LRMDA: variants seen among roughly 807,000 people sequenced by gnomAD.
LRMDA encodes leucine-rich melanocyte differentiation-associated protein.
Under a neutral mutation model 29.8 loss-of-function variants are expected in LRMDA, and 18 were observed. The ratio of observed to expected loss-of-function variants is 0.60; its 90% CI spans 0.42 to 0.90. The LOEUF (loss-of-function observed/expected upper bound fraction) is 0.90. LRMDA is among the 40% of genes least tolerant of loss of function. LRMDA has a pLI of 0.00. For synonymous variants in LRMDA, 125 were observed against 109.4 expected (o/e 1.14, Z -0.89); for missense variants, 273 against 273.9 (o/e 1.00, Z 0.02).
chr10:76,352,045 C>T (rs1841183268), intron 6 of LRMDA, among the ~76,000 whole-genome samples: 1 of 152,084 alleles, frequency 6.6e-6, no homozygotes, highest in Non-Finnish European at 1.5e-5. Flanking sequence ...ATCTCCCTCT[C>T]CATAAAATAG....
At chr10:75,830,130 C>T (rs946510120) in intron 2 of LRMDA, among the ~76,000 whole-genome samples, 15 of 152,146 alleles carry the variant, frequency 9.9e-5, no homozygotes, top group African/African-American at 3.4e-4. Flanking sequence ...ATATATCGAA[C>T]CACCTTAAAC....
chr10:75,586,385 T>A (rs1387221761), intron 2 of LRMDA, among the ~76,000 whole-genome samples: 1 of 116,870 alleles, frequency 8.6e-6, no homozygotes, highest in African/African-American at 3.1e-5. Flanking sequence ...AGAGACAGGA[T>A]CTCACTCTGT....
At chr10:75,525,234 G>A (rs1304950948) in intron 2 of LRMDA, among the ~76,000 whole-genome samples, 3 of 152,144 alleles carry the variant, frequency 2.0e-5, no homozygotes, top group African/African-American at 7.2e-5. Flanking sequence ...GCGGTTATTT[G>A]CTTACCAGTT....
intron 2 of LRMDA, among the ~76,000 whole-genome samples, chr10:75,893,010 G>A (rs1845520063): frequency 1.3e-5 from 2 of 152,102 alleles, no homozygotes; most frequent in Admixed American, 1.3e-4. Flanking sequence ...AGCCACCACT[G>A]CATCTCAAGA....
At chr10:75,951,908 A>C (rs1846581373) in intron 2 of LRMDA, among the ~76,000 whole-genome samples, 1 of 152,186 alleles carries the variant, frequency 6.6e-6, no homozygotes, top group Non-Finnish European at 1.5e-5. Flanking sequence ...GCGGTCCTGG[A>C]GGGACTTTCT....
chr10:76,163,947 G>T (rs574699612), intron 5 of LRMDA, among the ~76,000 whole-genome samples: 50 of 152,238 alleles, frequency 3.3e-4, no homozygotes, highest in Non-Finnish European at 5.7e-4. Flanking sequence ...AGGGCCATTT[G>T]CTTTTCTGGA....
intron 5 of LRMDA, among the ~76,000 whole-genome samples, chr10:76,145,087 G>A (rs188654643): frequency 2.3e-3 from 353 of 152,220 alleles, no homozygotes; most frequent in African/African-American, 7.6e-3. Context: ...TGCTGGATTC[G>A]GTTTGCCAGT....
At chr10:75,791,340 C>A (rs558451630) in intron 2 of LRMDA, among the ~76,000 whole-genome samples, 1 of 152,044 alleles carries the variant, frequency 6.6e-6, no homozygotes, top group Non-Finnish European at 1.5e-5. Flanking sequence ...TAAATGTTGG[C>A]AATCCATAAA....
At chr10:75,578,954 GAGAA>G (rs1840548906) in intron 2 of LRMDA, among the ~76,000 whole-genome samples, 1 of 151,714 alleles carries the variant, frequency 6.6e-6, no homozygotes, top group South Asian at 2.1e-4. Context: ...ATGCCCACAA[GAGAA>G]AGCAGGAAAG....
intron 6 of LRMDA, among the ~76,000 whole-genome samples, chr10:76,548,107 G>T (rs894922534): frequency 2.5e-4 from 38 of 152,106 alleles, no homozygotes; most frequent in African/African-American, 8.9e-4. Context: ...TATTCCTGTC[G>T]CCAAGGCAGT....
chr10:75,454,374 A>G (rs957345256), intron 2 of LRMDA, among the ~76,000 whole-genome samples: 2 of 152,056 alleles, frequency 1.3e-5, no homozygotes, highest in Non-Finnish European at 1.5e-5. Context: ...CGGGCAGGAG[A>G]CGGTCAGAGA....
intron 5 of LRMDA, among the ~76,000 whole-genome samples, chr10:76,099,650 T>C (rs1849366595): frequency 6.6e-6 from 1 of 152,194 alleles, no homozygotes; most frequent in African/African-American, 2.4e-5. Context: ...ACCTGTGTTC[T>C]TTAGACTTTA....
At chr10:76,093,253 G>T (rs1849259763) in intron 5 of LRMDA, among the ~76,000 whole-genome samples, 1 of 151,690 alleles carries the variant, frequency 6.6e-6, no homozygotes, top group Non-Finnish European at 1.5e-5. Flanking sequence ...GGCCGGGCTG[G>T]TCTTGAACTC....
chr10:76,188,301 G>T (rs569353726), intron 5 of LRMDA, among the ~76,000 whole-genome samples: 2 of 152,174 alleles, frequency 1.3e-5, no homozygotes, highest in Non-Finnish European at 2.9e-5. Flanking sequence ...TTCACTGTGC[G>T]TTTTGTTTCT....
chr10:75,666,656 A>G (rs1841826417), intron 2 of LRMDA, among the ~76,000 whole-genome samples: 1 of 152,174 alleles, frequency 6.6e-6, no homozygotes, highest in African/African-American at 2.4e-5. Context: ...TTATAAGTAT[A>G]AGGACCATTT....
chr10:76,286,293 A>C (rs1865643), intron 5 of LRMDA, among the ~76,000 whole-genome samples: 77,741 of 151,578 alleles, frequency 0.51, 20,181 homozygotes, highest in African/African-American at 0.6. Context: ...AAGGGCTGTA[A>C]GGAGTGGAGA....
At chr10:76,506,004 T>A (rs1239473546) in intron 6 of LRMDA, among the ~76,000 whole-genome samples, 1 of 152,162 alleles carries the variant, frequency 6.6e-6, no homozygotes, top group Non-Finnish European at 1.5e-5. Flanking sequence ...TTTTTGCCCC[T>A]TCTCTAGGAG....
At chr10:76,534,717 A>G (rs1473888772) in intron 6 of LRMDA, among the ~76,000 whole-genome samples, 1 of 152,218 alleles carries the variant, frequency 6.6e-6, no homozygotes, top group Non-Finnish European at 1.5e-5. Flanking sequence ...ATGATAATAC[A>G]TGTCATTCAG....
chr10:76,225,804 G>A (rs973295153), intron 5 of LRMDA, among the ~76,000 whole-genome samples: 2 of 150,956 alleles, frequency 1.3e-5, no homozygotes, highest in Non-Finnish European at 2.9e-5. Flanking sequence ...GTATACATGT[G>A]CCATGTTGGT....
Sources: gnomAD v4.1 joint callset for allele counts (sites outside exome capture counted in the v4.1 genomes callset) on GRCh38, gnomAD v4.1.1 for gene constraint, MANE v1.5 for transcripts, NCBI Gene and HGNC (gene_info 2026-07-23, HGNC 2026-07-21) for gene names.